XRN2: variants seen among roughly 807,000 people sequenced by gnomAD.
XRN2 encodes the protein 5'-3' exoribonuclease 2, also known as DHM1-like protein.
Under a neutral mutation model 138.5 loss-of-function variants are expected in XRN2, and 44 were observed. The observed-to-expected ratio is 0.32, with a 90% CI of 0.25 to 0.41. The LOEUF (loss-of-function observed/expected upper bound fraction) is 0.41. Ranked by LOEUF, XRN2 falls within the 10% of genes least tolerant of loss-of-function variation. The pLI is 1.00. For synonymous variants in XRN2, 354 were observed against 369.4 expected (o/e 0.96, Z 0.48); for missense variants, 937 against 1,169.3 (o/e 0.80, Z 2.90).
chr20:21,370,703 C>T (rs2038751826), intron 27 of XRN2, among the ~76,000 whole-genome samples: 1 of 152,016 alleles, frequency 6.6e-6, no homozygotes, highest in African/African-American at 2.4e-5. Context: ...GAAATGTTGA[C>T]CACAAAAATA....
Position 21,327,284 on chromosome 20 carries a change from A to G in XRN2, c.315+683A>G, listed in dbSNP as rs184097253. The stretch of plus-strand genomic sequence containing the variant: ...GAGAGGAGTAAGTTACTGACCTATG[A>G]TAATAATACCAAGTAGCTCCTTTTA... On this transcript the variant is annotated intron_variant, in intron 3 of 29. Transcript: ENST00000377191. Among the ~76,000 whole-genome samples the G allele has an allele frequency of 7.9e-5, 12 of 152,372 alleles. No individual in the cohort carries two copies. In the East Asian group the frequency reaches 2.1e-3, roughly 27 times the overall value.
chr20:21,344,089 GA>G lies in XRN2; in HGVS notation c.1411del (p.Ser471ValfsTer19). ...AYEMRMQNNS[S>X]PSISPNTSFT... is the part of the protein sequence containing the mutation. Reference sequence around the variant, plus strand: ...TTCTGTAATGTCATCATTGTCTGCAGAGTCCTTCGATATCTCCTAATACGAG... The same window carrying G: ...TTCTGTAATGTCATCATTGTCTGCAGGTCCTTCGATATCTCCTAATACGAG... On this transcript the variant is annotated frameshift_variant and splice_region_variant, in exon 16 of 30. Transcript: ENST00000377191. LOFTEE classifies it high-confidence loss of function. 6.2e-7 allele frequency: 1 copy of G among 1,600,806 alleles called. No individual in the cohort carries two copies. The highest frequency in any genetic ancestry group is 8.6e-7 in the Non-Finnish European group (1 of 1,168,532).
Position 21,333,602 on chromosome 20 carries a change from T to C in XRN2, c.917T>C (p.Leu306Pro). Residue 306 changes from leucine to proline, a missense_variant, in exon 10 of 30, where the codon CTT becomes CCT. Transcript: ENST00000377191. ...GAAGGAGAGTTTATCTTCCTTCGGC[T>C]TAATGTTCTTCGTGAGGTATGTAGC... ...CAEGEFIFLR[L>P]NVLREYLERE... The C allele has an allele frequency of 1.2e-6, 2 of 1,613,798 alleles. No individual in the cohort carries two copies. Among genetic ancestry groups the C allele is most frequent in the South Asian group, 1.1e-5 (1 of 91,082 alleles).
chr20:21,344,280 G>C, intron 16 of XRN2, 72 bp downstream of exon 16: 1 of 1,150,862 alleles, frequency 8.7e-7, no homozygotes, highest in Non-Finnish European at 1.3e-6. Context: ...ATGCTATTTA[G>C]CTTAGAGCAG....
chr20:21,305,188 T>TTTA (rs747193897), intron 1 of XRN2, among the ~76,000 whole-genome samples: 1 of 152,270 alleles, frequency 6.6e-6, no homozygotes, highest in South Asian at 2.1e-4. Flanking sequence ...CATCTGGGAT[T>TTTA]TTATTATTAT....
chr20:21,335,080 T>C (rs2038266697), intron 13 of XRN2, among the ~76,000 whole-genome samples: 2 of 152,100 alleles, frequency 1.3e-5, no homozygotes, highest in Non-Finnish European at 1.5e-5. Context: ...GAGCCAGTTA[T>C]AGAGAGGTAG....
intron 1 of XRN2, among the ~76,000 whole-genome samples, chr20:21,318,028 A>T (rs1425890974): frequency 6.6e-6 from 1 of 152,226 alleles, no homozygotes; most frequent in Non-Finnish European, 1.5e-5. Flanking sequence ...GTCTGATGCA[A>T]TTCAGCAGTG....
chr20:21,359,833 A>T (rs1336087505), intron 24 of XRN2, among the ~76,000 whole-genome samples: 1 of 152,038 alleles, frequency 6.6e-6, no homozygotes, highest in African/African-American at 2.4e-5. Flanking sequence ...AAAATCTCAG[A>T]ATATACTCAC....
chr20:21,389,126 A>G, intron 29 of XRN2, 147 bp from the exon 30 acceptor site: 1 of 642,202 alleles, frequency 1.6e-6, no homozygotes, highest in Non-Finnish European at 2.6e-6. Flanking sequence ...TCTGGATCAA[A>G]GCACCTTTTA....
intron 3 of XRN2, 89 bp from the exon 4 acceptor site, chr20:21,328,470 C>T: frequency 7.8e-7 from 1 of 1,275,262 alleles, no homozygotes; most frequent in Non-Finnish European, 1.1e-6. Context: ...TAGTGTACTG[C>T]TTTTATAAGA....
At chr20:21,327,905 T>G (rs2122204511) in intron 3 of XRN2, among the ~76,000 whole-genome samples, 1 of 152,358 alleles carries the variant, frequency 6.6e-6, no homozygotes, top group South Asian at 2.1e-4. Context: ...TCTTACAATC[T>G]AGTTCACTTT....
At chr20:21,331,490 T>C (rs2038208731) in intron 6 of XRN2, 71 bp from the exon 7 acceptor site, 1 of 1,311,626 alleles carries the variant, frequency 7.6e-7, no homozygotes, top group Non-Finnish European at 1.1e-6. Context: ...TCTTGAGACA[T>C]ATAATTCTTT....
intron 24 of XRN2, among the ~76,000 whole-genome samples, chr20:21,361,118 GA>G (rs1289651093): frequency 6.6e-6 from 1 of 152,124 alleles, no homozygotes; most frequent in Non-Finnish European, 1.5e-5. Context: ...AAGCGAATCA[GA>G]AAAAGGTGTT....
chr20:21,363,104 C>T lies in XRN2; in HGVS notation c.2256-2317C>T, dbSNP rs548886596. Among the ~76,000 whole-genome samples the T allele has an allele frequency of 6.6e-5, 10 of 152,230 alleles. No individual in the cohort carries two copies. The South Asian group carries it at 1.9e-3, about 28-fold the overall frequency. ...TCCTCAGGTGAAATAATTCCCTCCCCGCAGTACACACATAGCTTTAGCCCA... is the reference window on the plus strand; with the variant it reads ...TCCTCAGGTGAAATAATTCCCTCCCTGCAGTACACACATAGCTTTAGCCCA... On this transcript the variant is annotated intron_variant, in intron 24 of 29. Transcript: ENST00000377191.
chr20:21,385,145 T>G (rs780427713), intron 28 of XRN2, among the ~76,000 whole-genome samples: 3 of 152,224 alleles, frequency 2.0e-5, no homozygotes, highest in Non-Finnish European at 4.4e-5. Flanking sequence ...TAAAATAGTT[T>G]TGAATTGCAT....
chr20:21,336,681 A>G (rs1212733845), intron 13 of XRN2, among the ~76,000 whole-genome samples: 1 of 152,224 alleles, frequency 6.6e-6, no homozygotes, highest in African/African-American at 2.4e-5. Context: ...TGGAGTTTAC[A>G]TTCTCTTGGG....
rs556056488 is a variant in XRN2, at chr20:21,372,764, G to A, written c.2584+4174G>A. On this transcript the variant is annotated intron_variant, in intron 27 of 29. Coordinates refer to ENST00000377191, the MANE Select transcript of XRN2 (RefSeq NM_012255.5). ...TTCATGTATTCACCATTCAGATTCAGTAGAAAAGTGTCAGTCCTCAGAAGC... is the reference window on the plus strand; with the variant it reads ...TTCATGTATTCACCATTCAGATTCAATAGAAAAGTGTCAGTCCTCAGAAGC... 3.3e-5 allele frequency among the ~76,000 whole-genome samples: 5 copies of A among 152,206 alleles called. No individual in the cohort carries two copies. In the East Asian group the frequency reaches 5.8e-4, roughly 18 times the overall value.
chr20:21,330,167 C>T (rs980987747), intron 4 of XRN2, among the ~76,000 whole-genome samples: 1 of 152,008 alleles, frequency 6.6e-6, no homozygotes, highest in Admixed American at 6.6e-5. Flanking sequence ...CCTGTAATCC[C>T]AGCTTCTCAG....
intron 27 of XRN2, among the ~76,000 whole-genome samples, chr20:21,381,144 C>G (rs1319125760): frequency 6.6e-6 from 1 of 152,062 alleles, no homozygotes; most frequent in Non-Finnish European, 1.5e-5. Flanking sequence ...GTTTGTGTTT[C>G]TATTAAAATG....
Sources: gnomAD v4.1 joint callset for allele counts (sites outside exome capture counted in the v4.1 genomes callset) on GRCh38, gnomAD v4.1.1 for gene constraint, MANE v1.5 for transcripts, NCBI Gene and HGNC (gene_info 2026-07-23, HGNC 2026-07-21) for gene names.